TM7SF3: variants seen among roughly 807,000 people sequenced by gnomAD.
TM7SF3 encodes transmembrane 7 superfamily member 3, also known as seven span transmembrane protein.
A neutral mutation model predicts 65.5 loss-of-function variants in TM7SF3; 60 were observed. The ratio of observed to expected loss-of-function variants is 0.92; its 90% CI spans 0.74 to 1.14. The LOEUF (loss-of-function observed/expected upper bound fraction) is 1.14, where lower values mean the gene tolerates loss of function less well. TM7SF3 is among the 50% of genes most tolerant of loss of function. The pLI is 0.00. For missense variants in TM7SF3, 623 were observed against 684.8 expected (o/e 0.91, Z 1.01); for synonymous variants, 264 against 259.6 (o/e 1.02, Z -0.16).
chr12:27,002,328 T>C (rs1481296122), intron 2 of TM7SF3, among the ~76,000 whole-genome samples: 1 of 151,942 alleles, frequency 6.6e-6, no homozygotes, highest in Admixed American at 6.6e-5. Flanking sequence ...ATTAGCCAAG[T>C]GTGGTGACAT....
intron 1 of TM7SF3, among the ~76,000 whole-genome samples, chr12:27,005,842 C>G: frequency 6.6e-6 from 1 of 151,564 alleles, no homozygotes; most frequent in East Asian, 1.9e-4. Flanking sequence ...CACTCTGACA[C>G]CTAGGTGGAG....
intron 1 of TM7SF3, among the ~76,000 whole-genome samples, chr12:27,006,294 C>G (rs762249725): frequency 6.6e-6 from 1 of 151,732 alleles, no homozygotes; most frequent in Admixed American, 6.6e-5. Context: ...TGTGCCACCA[C>G]GCTCGGCTAA....
intron 7 of TM7SF3, among the ~76,000 whole-genome samples, chr12:26,981,998 C>G (rs1279160794): frequency 6.6e-6 from 1 of 152,116 alleles, no homozygotes; most frequent in African/African-American, 2.4e-5. Context: ...ATCGCCATCA[C>G]CAATATCCAC....
chr12:27,004,995 T>C (rs1370065561), intron 1 of TM7SF3, among the ~76,000 whole-genome samples: 1 of 152,216 alleles, frequency 6.6e-6, no homozygotes, highest in East Asian at 1.9e-4. Context: ...TGTGCACGTG[T>C]TTTTTCTTTT....
At chr12:26,993,559 C>T (rs1459838186) in intron 5 of TM7SF3, among the ~76,000 whole-genome samples, 2 of 152,136 alleles carry the variant, frequency 1.3e-5, no homozygotes, top group African/African-American at 4.8e-5. Context: ...CTTTGCCCAC[C>T]TGGAATAGGT....
chr12:26,974,250 C>A, intron 11 of TM7SF3, 23 bp from the exon 12 acceptor site: 1 of 1,606,198 alleles, frequency 6.2e-7, no homozygotes, highest in South Asian at 1.1e-5. Context: ...AGAAAAAGTA[C>A]AGTTTGAACT....
rs117053038 is a variant in TM7SF3 at position 26,984,828 on chromosome 12, G to A, written c.869-1969C>T. On this transcript the variant is annotated intron_variant, in intron 6 of 11. Transcript: ENST00000343028. ...ACATAAAACAGGCATTCACTCTGGGGGAATGAAAGGAGTGAATAGACTAGG... is the reference window on the plus strand; with the variant it reads ...ACATAAAACAGGCATTCACTCTGGGAGAATGAAAGGAGTGAATAGACTAGG... 8.4e-3 allele frequency among the ~76,000 whole-genome samples: 1,283 copies of A among 152,246 alleles called. 8 individuals are homozygous for A. The highest frequency in any genetic ancestry group is 0.048 in the Middle Eastern group (14 of 294).
Position 26,996,875 on chromosome 12 carries a change from T to C in TM7SF3, c.398-13A>G. 5 of 1,598,408 alleles carry C rather than the reference T, an allele frequency of 3.1e-6. No individual in the cohort carries two copies. The highest frequency in any genetic ancestry group is 8.5e-7 in the Non-Finnish European group (1 of 1,175,208). ...CCAGGGACAGGATCTGGATAAGAAA[T>C]AGGGAAGTTACTAAACAAACAATTC... On this transcript the variant is annotated splice_polypyrimidine_tract_variant and intron_variant, in intron 3 of 11. Coordinates refer to ENST00000343028, the MANE Select transcript of TM7SF3 (RefSeq NM_016551.3).
At chr12:27,012,430 C>G (rs1941280180) in intron 1 of TM7SF3, among the ~76,000 whole-genome samples, 1 of 152,114 alleles carries the variant, frequency 6.6e-6, no homozygotes, top group Admixed American at 6.5e-5. Context: ...TCCTAGAATT[C>G]AGTTTGCACA....
chr12:26,994,442 G>A (rs1376775355), intron 5 of TM7SF3, among the ~76,000 whole-genome samples: 1 of 152,146 alleles, frequency 6.6e-6, no homozygotes, highest in Non-Finnish European at 1.5e-5. Context: ...CACCTCCTGG[G>A]TTCAAACAAT....
intron 1 of TM7SF3, among the ~76,000 whole-genome samples, chr12:27,009,472 TAG>T (rs1941165415): frequency 6.6e-6 from 1 of 152,254 alleles, no homozygotes; most frequent in African/African-American, 2.4e-5. Flanking sequence ...ATTTTCTCTG[TAG>T]AGGTCTTTAC....
At chr12:27,005,256 C>T (rs1353620490) in intron 1 of TM7SF3, among the ~76,000 whole-genome samples, 1 of 152,152 alleles carries the variant, frequency 6.6e-6, no homozygotes, top group East Asian at 1.9e-4. Flanking sequence ...TTTCACTGTT[C>T]ACAGCATTCA....
Position 26,980,593 on chromosome 12 carries a change from TA to T in TM7SF3, c.1008del (p.Thr337GlnfsTer3). On this transcript the variant is annotated frameshift_variant, in exon 8 of 12. Transcript: ENST00000343028. LOFTEE classifies it high-confidence loss of function. ...IIMGFFFYIL[I>X]TRLTPIKYDV... ...TCATACTTGATAGGTGTCAGTCTTGTAATCAGTATATAAAAGAAGAATCCCA... is the reference window on the plus strand; with the variant it reads ...TCATACTTGATAGGTGTCAGTCTTGTATCAGTATATAAAAGAAGAATCCCA... 2 of 1,563,266 alleles carry T rather than the reference TA, an allele frequency of 1.3e-6. No individual in the cohort carries two copies. Among genetic ancestry groups the T allele is most frequent in the Non-Finnish European group, 1.8e-6 (2 of 1,138,188 alleles).
chr12:27,010,654 T>C (rs1434054605), intron 1 of TM7SF3, among the ~76,000 whole-genome samples: 1 of 152,160 alleles, frequency 6.6e-6, no homozygotes, highest in Admixed American at 6.5e-5. Flanking sequence ...ACTTGCAGAG[T>C]AGGAGGAAAA....
At chr12:27,006,874 G>C (rs899280701) in intron 1 of TM7SF3, among the ~76,000 whole-genome samples, 2 of 152,200 alleles carry the variant, frequency 1.3e-5, no homozygotes, top group South Asian at 4.2e-4. Flanking sequence ...GAACATCTAG[G>C]CTGTTACCAT....
intron 6 of TM7SF3, among the ~76,000 whole-genome samples, chr12:26,985,806 GTTTTTTTTT>G (rs149988617): frequency 3.2e-3 from 169 of 52,846 alleles, no homozygotes; most frequent in African/African-American, 0.013. Flanking sequence ...TTTCTTTTTC[GTTTTTTTTT>G]TTTTTTTTTT....
rs973770297 is a variant in TM7SF3 at position 26,974,016 on chromosome 12, C to T, written c.1662G>A (p.Gly554=). 3 of 1,614,164 alleles carry T rather than the reference C, an allele frequency of 1.9e-6. No homozygotes were observed. The highest frequency in any genetic ancestry group is 2.5e-6 in the Non-Finnish European group (3 of 1,180,022). The change falls in exon 12 of 12, where the codon GGG becomes GGA. Residue 554 remains glycine, a synonymous_variant. Coordinates refer to ENST00000343028, the MANE Select transcript of TM7SF3 (RefSeq NM_016551.3). ...CAGCTGGCTGCTCCTTCTGGAAGAGCCCTTTAATCTGGGTTAATCGGCCAT... is the reference window on the plus strand; with the variant it reads ...CAGCTGGCTGCTCCTTCTGGAAGAGTCCTTTAATCTGGGTTAATCGGCCAT... ...RLYGRLTQIK[G]LFQKEQPAGE... is the part of the protein sequence containing the mutation.
At chr12:26,979,743 A>G (rs368574236) in intron 9 of TM7SF3, 41 bp downstream of exon 9, 2 of 1,603,366 alleles carry the variant, frequency 1.2e-6, no homozygotes, top group African/African-American at 1.3e-5. Flanking sequence ...GTATTCAAAC[A>G]GTCACTCGAA....
intron 10 of TM7SF3, chr12:26,975,898 T>C: frequency 1.9e-6 from 1 of 538,624 alleles, no homozygotes; most frequent in Non-Finnish European, 3.3e-6. Context: ...ATATCTTCCA[T>C]ATGAAGGAAC....
Sources: gnomAD v4.1 joint callset for allele counts (sites outside exome capture counted in the v4.1 genomes callset) on GRCh38, gnomAD v4.1.1 for gene constraint, MANE v1.5 for transcripts, NCBI Gene and HGNC (gene_info 2026-07-23, HGNC 2026-07-21) for gene names.